FRY: variants seen among roughly 807,000 people sequenced by gnomAD.
FRY encodes the protein protein furry homolog.
Under a neutral mutation model 348.4 loss-of-function variants are expected in FRY, and 128 were observed. That is an observed-to-expected ratio of 0.37 (90% CI 0.32 to 0.43). The LOEUF (loss-of-function observed/expected upper bound fraction) is 0.43, where lower values mean the gene tolerates loss of function less well. FRY is among the 20% of genes least tolerant of loss of function. FRY has a pLI of 1.00. For synonymous variants in FRY, 1,370 were observed against 1,374.7 expected (o/e 1.00, Z 0.08); for missense variants, 2,736 against 3,695.2 (o/e 0.74, Z 6.73).
At chr13:32,096,439 G>GGC (rs1555252436) in intron 2 of FRY, among the ~76,000 whole-genome samples, 1 of 151,470 alleles carries the variant, frequency 6.6e-6, no homozygotes, top group African/African-American at 2.4e-5. Flanking sequence ...GAAAACTGCG[G>GGC]GGGGGGGCTT....
intron 1 of FRY, among the ~76,000 whole-genome samples, chr13:32,057,182 T>A (rs1873676347): frequency 6.6e-6 from 1 of 152,058 alleles, no homozygotes; most frequent in African/African-American, 2.4e-5. Flanking sequence ...TTTTTTATTT[T>A]TTTTTTAAGA....
chr13:32,185,078 A>G lies in FRY; in HGVS notation c.3249A>G (p.Glu1083=), dbSNP rs1308368983. Residue 1083 remains glutamate, a synonymous_variant, in exon 26 of 61, where the codon GAA becomes GAG. Coordinates refer to ENST00000542859, the MANE Select transcript of FRY (RefSeq NM_023037.3). ...RMLLEAENDK[E]VEILKDIRAH... ...TCCTAGAAGCTGAAAATGACAAAGA[A>G]GTTGAAATTCTTAAAGATATCCGGG... The G allele has an allele frequency of 1.2e-6, 2 of 1,614,116 alleles. No individual in the cohort carries two copies. The highest frequency in any genetic ancestry group is 8.5e-7 in the Non-Finnish European group (1 of 1,179,926).
intron 55 of FRY, among the ~76,000 whole-genome samples, chr13:32,270,576 A>C (rs1888153399): frequency 6.6e-6 from 1 of 152,180 alleles, no homozygotes; most frequent in South Asian, 2.1e-4. Flanking sequence ...CATTTTTATT[A>C]GAGTTATTGG....
At chr13:32,209,553 C>CA (rs1231003821) in intron 32 of FRY, 32 bp from the exon 33 acceptor site, 4 of 1,611,898 alleles carry the variant, frequency 2.5e-6, no homozygotes, top group Non-Finnish European at 3.4e-6. Context: ...AGTTTTCACA[C>CA]ATCTCTTGGG....
intron 11 of FRY, among the ~76,000 whole-genome samples, chr13:32,146,569 C>T (rs1001101766): frequency 6.6e-6 from 1 of 152,070 alleles, no homozygotes; most frequent in Non-Finnish European, 1.5e-5. Context: ...CTCCTGACCT[C>T]GTAATCCACC....
chr13:32,059,729 T>C (rs2138436801), intron 1 of FRY, among the ~76,000 whole-genome samples: 1 of 152,282 alleles, frequency 6.6e-6, no homozygotes, highest in Non-Finnish European at 1.5e-5. Context: ...TATTCCCCTC[T>C]GCATTGGATT....
rs76853761 is a variant in FRY at position 32,135,017 on chromosome 13, C to G, written c.978+21C>G. 3.3e-3 allele frequency: 5,144 copies of G among 1,580,838 alleles called. 146 individuals are homozygous for G. In the African/African-American group the frequency reaches 0.059, roughly 18 times the overall value. ...CTGCTGTGAGTTTCATTTCTAAAAACTCCTTCAAATTGTATCACAAAATCA... is the reference window on the plus strand; with the variant it reads ...CTGCTGTGAGTTTCATTTCTAAAAAGTCCTTCAAATTGTATCACAAAATCA... On this transcript the variant is annotated intron_variant, in intron 9 of 60. Coordinates refer to ENST00000542859, the MANE Select transcript of FRY (RefSeq NM_023037.3).
At chr13:32,034,440 A>T (rs1163013329) in intron 1 of FRY, among the ~76,000 whole-genome samples, 1 of 152,182 alleles carries the variant, frequency 6.6e-6, no homozygotes, top group African/African-American at 2.4e-5. Context: ...CTACTCTGTC[A>T]TGCTGCCCTT....
At chr13:32,092,374 T>G (rs1876371422) in intron 2 of FRY, among the ~76,000 whole-genome samples, 1 of 152,244 alleles carries the variant, frequency 6.6e-6, no homozygotes, top group Admixed American at 6.5e-5. Flanking sequence ...TGGCCATCTT[T>G]CTTTCCTCCT....
chr13:32,268,321 AT>A (rs2138568792), intron 55 of FRY, among the ~76,000 whole-genome samples: 1 of 152,116 alleles, frequency 6.6e-6, no homozygotes, highest in East Asian at 1.9e-4. Flanking sequence ...TTTGAAGGCC[AT>A]TGCAGTTAAC....
At chr13:32,104,348 A>G (rs919155013) in intron 3 of FRY, among the ~76,000 whole-genome samples, 3 of 152,210 alleles carry the variant, frequency 2.0e-5, no homozygotes, top group African/African-American at 4.8e-5. Flanking sequence ...CATCAGCATC[A>G]CCTGGGAGCT....
intron 4 of FRY, among the ~76,000 whole-genome samples, chr13:32,121,513 G>C (rs913333346): frequency 6.6e-6 from 1 of 152,002 alleles, no homozygotes; most frequent in African/African-American, 2.4e-5. Flanking sequence ...GTTTTGATTT[G>C]CATTTCCCTG....
At position 32,135,184 on chromosome 13, in the gene FRY, G is replaced by A; in HGVS notation, c.1077+1G>A. On this transcript the variant is annotated splice_donor_variant, in intron 10 of 60. Coordinates refer to ENST00000542859, the MANE Select transcript of FRY (RefSeq NM_023037.3). LOFTEE classifies it high-confidence loss of function. ...TTCTTCTCGAAAGAAGCATTCCTTG[G>A]TTAGTAACTATGAGAAAATCGAAAA... 6.4e-7 allele frequency: 1 copy of A among 1,572,932 alleles called. No individual in the cohort carries two copies. The highest frequency in any genetic ancestry group is 8.8e-7 in the Non-Finnish European group (1 of 1,142,514).
chr13:32,060,184 C>A (rs1873863049), intron 1 of FRY, among the ~76,000 whole-genome samples: 1 of 152,216 alleles, frequency 6.6e-6, no homozygotes, highest in South Asian at 2.1e-4. Context: ...TAGAATTCTT[C>A]TCTCAGAAAT....
At chr13:32,045,233 C>G (rs180997742) in intron 1 of FRY, among the ~76,000 whole-genome samples, 1 of 152,156 alleles carries the variant, frequency 6.6e-6, no homozygotes, top group East Asian at 1.9e-4. Flanking sequence ...GACTTTTTTT[C>G]AACCCTTCAT....
chr13:32,088,346 A>G (rs982804634), intron 2 of FRY, among the ~76,000 whole-genome samples: 1 of 152,278 alleles, frequency 6.6e-6, no homozygotes, highest in African/African-American at 2.4e-5. Context: ...ACACTTGACA[A>G]CATACTGGCT....
intron 35 of FRY, among the ~76,000 whole-genome samples, chr13:32,214,681 C>T (rs1044771863): frequency 2.0e-5 from 3 of 152,190 alleles, no homozygotes; most frequent in African/African-American, 7.2e-5. Context: ...TGTCCAACCA[C>T]CACCAGTCCG....
intron 10 of FRY, among the ~76,000 whole-genome samples, chr13:32,135,685 A>G (rs1468630388): frequency 1.3e-5 from 2 of 152,222 alleles, no homozygotes; most frequent in African/African-American, 4.8e-5. Context: ...GAAGAGCAGT[A>G]TAGAAAATCT....
At chr13:32,240,844 T>C (rs977636589) in intron 46 of FRY, among the ~76,000 whole-genome samples, 1 of 152,190 alleles carries the variant, frequency 6.6e-6, no homozygotes, top group African/African-American at 2.4e-5. Context: ...AGATGCCAGA[T>C]AGGTTAAAAA....
Sources: gnomAD v4.1 joint callset for allele counts (sites outside exome capture counted in the v4.1 genomes callset) on GRCh38, gnomAD v4.1.1 for gene constraint, MANE v1.5 for transcripts, NCBI Gene and HGNC (gene_info 2026-07-23, HGNC 2026-07-21) for gene names.